The following SKA1 variants were observed in gnomAD, a reference collection of about 807,000 sequenced individuals.
The protein encoded by SKA1 is spindle and kinetochore associated complex subunit 1, also known as SKA complex subunit 1.
A neutral mutation model predicts 31.8 loss-of-function variants in SKA1; 20 were observed. The ratio of observed to expected loss-of-function variants is 0.63; its 90% CI spans 0.44 to 0.91. The LOEUF is 0.91. Ranked by LOEUF, SKA1 falls within the 40% of genes least tolerant of loss-of-function variation. The probability of loss-of-function intolerance (pLI) is 0.00; values close to 1 mark genes in which losing one functional copy is unlikely to be tolerated. For synonymous variants in SKA1, 88 were observed against 100.5 expected (o/e 0.88, Z 0.74); for missense variants, 253 against 298.2 (o/e 0.85, Z 1.12).
At chr18:50,388,664 A>T (rs1427670797) in intron 5 of SKA1, among the ~76,000 whole-genome samples, 2 of 152,134 alleles carry the variant, frequency 1.3e-5, no homozygotes, top group African/African-American at 2.4e-5. Flanking sequence ...CCCTTCCCCT[A>T]GGTCAGATAA....
chr18:50,387,920 G>A (rs950525308), intron 5 of SKA1, among the ~76,000 whole-genome samples: 22 of 152,122 alleles, frequency 1.4e-4, no homozygotes. Flanking sequence ...AGTAATTTTT[G>A]TTAAAAGCTG....
At chr18:50,391,585 C>T (rs747648949) in intron 6 of SKA1, among the ~76,000 whole-genome samples, 2 of 152,146 alleles carry the variant, frequency 1.3e-5, no homozygotes, top group Non-Finnish European at 2.9e-5. Context: ...TAGTGCTGAG[C>T]CTGAGAAACA....
chr18:50,393,625 TAAG>T lies in SKA1; in HGVS notation c.*1381_*1383del, dbSNP rs1326231053. 1 of 152,150 alleles carries T rather than the reference TAAG, an allele frequency of 6.6e-6. No individual in the cohort carries two copies. Among genetic ancestry groups the T allele is most frequent in the African/African-American group, 2.4e-5 (1 of 41,408 alleles). 9.4% of individuals were successfully genotyped at this position (152,150 alleles called of 1,614,324 possible). A position where few individuals can be genotyped will look rare whatever the true frequency, so the allele number is the denominator to read the frequency against. On this transcript the variant is annotated 3_prime_UTR_variant, in exon 7 of 7. Coordinates refer to ENST00000285116, the MANE Select transcript of SKA1 (RefSeq NM_145060.4). Reference sequence around the variant, plus strand: ...GAGTTGATGTGATAATGTGATATAATAAGAAATATATATTTGATCTTCCTATCT... The same window carrying T: ...GAGTTGATGTGATAATGTGATATAATAAATATATATTTGATCTTCCTATCT...
intron 3 of SKA1, among the ~76,000 whole-genome samples, 196 bp downstream of exon 3, chr18:50,380,446 C>T (rs1298037493): frequency 6.6e-6 from 1 of 152,126 alleles, no homozygotes; most frequent in Non-Finnish European, 1.5e-5. Flanking sequence ...CTGCTGATGG[C>T]CAGTGGAATT....
chr18:50,383,837 T>C (rs536862317), intron 4 of SKA1, among the ~76,000 whole-genome samples: 6 of 152,330 alleles, frequency 3.9e-5, no homozygotes, highest in African/African-American at 1.4e-4. Context: ...CAAGTACAGG[T>C]ACGATTCAGC....
chr18:50,380,042 A>T, intron 2 of SKA1, 84 bp from the exon 3 acceptor site: 6 of 1,160,726 alleles, frequency 5.2e-6, no homozygotes, highest in Non-Finnish European at 7.0e-6. Flanking sequence ...AGGTACAGCT[A>T]TCTATTCTAA....
intron 4 of SKA1, among the ~76,000 whole-genome samples, chr18:50,383,672 A>G (rs1217161463): frequency 1.3e-5 from 2 of 152,106 alleles, no homozygotes; most frequent in Non-Finnish European, 2.9e-5. Flanking sequence ...AATAGGAGGA[A>G]TTTTCTTCTA....
At chr18:50,379,510 C>T (rs971749014) in intron 2 of SKA1, among the ~76,000 whole-genome samples, 1 of 152,216 alleles carries the variant, frequency 6.6e-6, no homozygotes, top group Non-Finnish European at 1.5e-5. Flanking sequence ...AAAACATAAG[C>T]TTATTTCTCT....
At chr18:50,385,428 TA>T in intron 5 of SKA1, 75 bp downstream of exon 5, 12 of 1,238,128 alleles carry the variant, frequency 9.7e-6, no homozygotes, top group African/African-American at 1.5e-5. Flanking sequence ...AGCTTAATTA[TA>T]TTAATTGTAA....
At chr18:50,382,069 A>G in intron 3 of SKA1, 60 bp from the exon 4 acceptor site, 1 of 1,020,194 alleles carries the variant, frequency 9.8e-7, no homozygotes, top group Admixed American at 2.9e-5. Context: ...GCTCTTTAGA[A>G]TATCTTAAAA....
Position 50,376,027 on chromosome 18 carries a change from G to A in SKA1, c.88+109G>A. 3 of 643,580 alleles carry A rather than the reference G, an allele frequency of 4.7e-6. No individual in the cohort carries two copies. The South Asian group carries it at 6.9e-5, about 15-fold the overall frequency. 39.9% of individuals were successfully genotyped at this position (643,580 alleles called of 1,614,324 possible). ...AGTGACTGCATCTTAGGTAATTTTA[G>A]ATTTTTGCATAACGATTTTTTAAAT... On this transcript the variant is annotated intron_variant, in intron 2 of 6. Coordinates refer to ENST00000285116, the MANE Select transcript of SKA1 (RefSeq NM_145060.4).
chr18:50,380,379 C>A, intron 3 of SKA1, 129 bp downstream of exon 3: 1 of 1,013,738 alleles, frequency 9.9e-7, no homozygotes, highest in Non-Finnish European at 1.3e-6. Flanking sequence ...TACAGTATGC[C>A]ATTTATGTTT....
intron 5 of SKA1, among the ~76,000 whole-genome samples, chr18:50,387,421 G>T (rs2041318724): frequency 6.6e-6 from 1 of 152,136 alleles, no homozygotes; most frequent in Non-Finnish European, 1.5e-5. Context: ...TTTAAAGTGG[G>T]TTGTTTGTTT....
chr18:50,389,432 G>A (rs1473866804), intron 5 of SKA1, among the ~76,000 whole-genome samples: 1 of 112,788 alleles, frequency 8.9e-6, no homozygotes, highest in East Asian at 2.8e-4. Context: ...GTCTCACTCT[G>A]TCCCACAGGC....
In SKA1 at chr18:50,391,339, A is replaced by G. The variant is rs772453084; in HGVS notation, c.619+46A>G. The G allele has an allele frequency of 6.5e-6, 9 of 1,375,084 alleles. No homozygotes were observed. The East Asian group carries it at 1.9e-4, about 29-fold the overall frequency. The allele number at this position is 1,375,084 out of a possible 1,614,324, so 85.2% of individuals were successfully genotyped here. Reference sequence around the variant, plus strand: ...TGTGTACATGTGAACTGTTCAGAGTATAACTAAATCACGAGAAATGTAGCT... The same window carrying G: ...TGTGTACATGTGAACTGTTCAGAGTGTAACTAAATCACGAGAAATGTAGCT... On this transcript the variant is annotated intron_variant, in intron 6 of 6. Transcript: ENST00000285116.
At position 50,391,054 on chromosome 18, in the gene SKA1, T is replaced by C. The variant is rs556701091; in HGVS notation, c.450-70T>C. The C allele has an allele frequency of 5.9e-5, 67 of 1,135,232 alleles. No homozygotes were observed. In the African/African-American group the frequency reaches 7.8e-4, roughly 13 times the overall value. The allele number at this position is 1,135,232 out of a possible 1,614,324, so 70.3% of individuals were successfully genotyped here. A position where few individuals can be genotyped will look rare whatever the true frequency, so the allele number is the denominator to read the frequency against. On this transcript the variant is annotated intron_variant, in intron 5 of 6. Coordinates refer to ENST00000285116, the MANE Select transcript of SKA1 (RefSeq NM_145060.4). The stretch of plus-strand genomic sequence containing the variant: ...CTGTTGTACAAAGTCATCATACTTA[T>C]GTTTTTCAAGGAAAGTAATTTTGTA...
chr18:50,378,883 T>C (rs941634444), intron 2 of SKA1, among the ~76,000 whole-genome samples: 1 of 88,698 alleles, frequency 1.1e-5, no homozygotes, highest in African/African-American at 4.7e-5. Flanking sequence ...CTCTATTAGA[T>C]AGAATGATAT....
intron 4 of SKA1, among the ~76,000 whole-genome samples, chr18:50,383,235 G>C (rs751121337): frequency 6.6e-5 from 10 of 152,070 alleles, no homozygotes; most frequent in Non-Finnish European, 1.3e-4. Context: ...AAAATCCCTC[G>C]TCAGCCCTGG....
intron 3 of SKA1, 59 bp from the exon 4 acceptor site, chr18:50,382,068 AAT>A: frequency 9.9e-7 from 1 of 1,009,650 alleles, no homozygotes; most frequent in Non-Finnish European, 1.5e-6. Flanking sequence ...TGCTCTTTAG[AAT>A]ATCTTAAAAC....
Sources: allele counts gnomAD v4.1 joint callset (sites outside exome capture counted in the v4.1 genomes callset), GRCh38; gene constraint gnomAD v4.1.1; transcripts MANE v1.5; gene names NCBI Gene and HGNC (gene_info 2026-07-23, HGNC 2026-07-21).